Variants in DCC observed in about 807,000 individuals in gnomAD.
DCC encodes the protein netrin receptor DCC.
DCC carries 58 observed loss-of-function variants against 172.5 expected under a neutral mutation model. That is an observed-to-expected ratio of 0.34 (90% CI 0.27 to 0.42). The LOEUF is 0.42. DCC is among the 10% of genes least tolerant of loss of function. The probability of loss-of-function intolerance (pLI) is 1.00; values close to 1 mark genes in which losing one functional copy is unlikely to be tolerated. For synonymous variants in DCC, 709 were observed against 644.5 expected, an observed-to-expected ratio of 1.10 and a Z score of -1.52; for missense variants, 1,740 against 1,791.0, an observed-to-expected ratio of 0.97 and a Z score of 0.51.
intron 14 of DCC, among the ~76,000 whole-genome samples, chr18:53,326,770 A>AGACCAAAGC: frequency 6.6e-6 from 1 of 152,162 alleles, no homozygotes; most frequent in East Asian, 1.9e-4. Flanking sequence ...CTGAAGTGAG[A>AGACCAAAGC]AATTTCCATA....
chr18:52,735,982 T>C (rs1457768953), intron 1 of DCC, among the ~76,000 whole-genome samples: 3 of 152,178 alleles, frequency 2.0e-5, no homozygotes, highest in East Asian at 3.9e-4. Context: ...TTTCAATTAA[T>C]ATTGTGTGAT....
chr18:52,818,216 C>CA (rs920341130), intron 2 of DCC: 2 of 151,234 alleles, frequency 1.3e-5, no homozygotes, highest in African/African-American at 4.9e-5. Flanking sequence ...CCTGTCTCTA[C>CA]AAAAAATTTA....
chr18:52,897,086 G>T (rs1023326034), intron 2 of DCC, among the ~76,000 whole-genome samples: 1 of 152,176 alleles, frequency 6.6e-6, no homozygotes, highest in African/African-American at 2.4e-5. Context: ...GATTATGATA[G>T]ACCAGGCTTT....
At chr18:52,524,405 T>C (rs1214271317) in intron 1 of DCC, among the ~76,000 whole-genome samples, 1 of 152,190 alleles carries the variant, frequency 6.6e-6, no homozygotes, top group Non-Finnish European at 1.5e-5. Flanking sequence ...GCTTTAAAAG[T>C]ATAACTGCAT....
chr18:52,821,799 G>A (rs1486287398), intron 2 of DCC, among the ~76,000 whole-genome samples: 1 of 152,108 alleles, frequency 6.6e-6, no homozygotes, highest in African/African-American at 2.4e-5. Flanking sequence ...TATACTCCTT[G>A]GTCTTGTATC....
chr18:53,446,508 T>C (rs1912621979), intron 22 of DCC, among the ~76,000 whole-genome samples: 1 of 152,180 alleles, frequency 6.6e-6, no homozygotes, highest in Admixed American at 6.5e-5. Flanking sequence ...GTCTCCCAGA[T>C]CTCCTAACTA....
At chr18:52,943,070 G>A (rs945050334) in intron 5 of DCC, among the ~76,000 whole-genome samples, 1 of 151,866 alleles carries the variant, frequency 6.6e-6, no homozygotes, top group East Asian at 1.9e-4. Context: ...TACCTCTTTT[G>A]TTTTAATACC....
chr18:53,403,762 C>T (rs929729183), intron 19 of DCC, among the ~76,000 whole-genome samples: 1 of 152,024 alleles, frequency 6.6e-6, no homozygotes, highest in African/African-American at 2.4e-5. Context: ...CAAAGTAATT[C>T]AGCCGTCCCG....
At chr18:52,678,041 A>C (rs2035677256) in intron 1 of DCC, among the ~76,000 whole-genome samples, 1 of 152,176 alleles carries the variant, frequency 6.6e-6, no homozygotes, top group Non-Finnish European at 1.5e-5. Flanking sequence ...ATAAACTACA[A>C]AGATGGGCAT....
At chr18:53,344,521 C>A (rs2057700517) in intron 15 of DCC, among the ~76,000 whole-genome samples, 1 of 129,856 alleles carries the variant, frequency 7.7e-6, no homozygotes, top group Admixed American at 9.8e-5. Context: ...TGGCTCACTT[C>A]TACCTCTGCC....
Position 52,653,803 on chromosome 18 carries a change from C to G in DCC, c.92-98251C>G, listed in dbSNP as rs140571601. Among the ~76,000 whole-genome samples, 208 of 152,278 alleles carry G rather than the reference C, an allele frequency of 1.4e-3. 2 individuals carry two copies. The East Asian group carries it at 0.03, about 22-fold the overall frequency. ...CTGATTATTAATTTATGCCTCTCAGCCTAACACTAAAGATTCTAAGTAGCT... is the reference window on the plus strand; with the variant it reads ...CTGATTATTAATTTATGCCTCTCAGGCTAACACTAAAGATTCTAAGTAGCT... On this transcript the variant is annotated intron_variant, in intron 1 of 28. Coordinates refer to ENST00000442544, the MANE Select transcript of DCC (RefSeq NM_005215.4).
chr18:52,863,914 T>C (rs912810138), intron 2 of DCC, among the ~76,000 whole-genome samples: 1 of 152,118 alleles, frequency 6.6e-6, no homozygotes, highest in Non-Finnish European at 1.5e-5. Context: ...AGACTTACTT[T>C]ATTAAGCTAA....
At chr18:52,682,866 A>G (rs2035772387) in intron 1 of DCC, among the ~76,000 whole-genome samples, 1 of 152,078 alleles carries the variant, frequency 6.6e-6, no homozygotes, top group African/African-American at 2.4e-5. Context: ...CTTTCTTCCT[A>G]AGAGCAAGTG....
chr18:53,508,674 C>T (rs970868923), intron 27 of DCC, among the ~76,000 whole-genome samples: 2 of 152,150 alleles, frequency 1.3e-5, no homozygotes, highest in African/African-American at 4.8e-5. Context: ...TGAGCTGACA[C>T]ATTAGAATAC....
chr18:52,668,867 A>G (rs2144964291), intron 1 of DCC, among the ~76,000 whole-genome samples: 1 of 152,364 alleles, frequency 6.6e-6, no homozygotes, highest in African/African-American at 2.4e-5. Context: ...TTGTCTCTTC[A>G]GTTAGACATG....
At chr18:52,505,227 C>G (rs1207823350) in intron 1 of DCC, among the ~76,000 whole-genome samples, 2 of 152,138 alleles carry the variant, frequency 1.3e-5, no homozygotes, top group African/African-American at 4.8e-5. Context: ...TATTCAGTTT[C>G]CACCTCAGTA....
intron 5 of DCC, among the ~76,000 whole-genome samples, chr18:52,927,709 C>T (rs1288624156): frequency 1.3e-5 from 2 of 151,868 alleles, no homozygotes; most frequent in Admixed American, 1.3e-4. Context: ...ACAATGAGAA[C>T]CACCATCTCA....
At chr18:53,361,232 T>C (rs7232507) in intron 15 of DCC, among the ~76,000 whole-genome samples, 6,614 of 152,146 alleles carry the variant, frequency 0.043, 465 homozygotes, top group African/African-American at 0.15. Flanking sequence ...TGCTGACACC[T>C]CAGTTTTGGA....
chr18:52,774,956 A>G (rs2037403606), intron 2 of DCC, among the ~76,000 whole-genome samples: 1 of 152,174 alleles, frequency 6.6e-6, no homozygotes, highest in South Asian at 2.1e-4. Flanking sequence ...ATTTCAAACC[A>G]TGTGAGAGAA....
Sources: allele counts gnomAD v4.1 joint callset (sites outside exome capture counted in the v4.1 genomes callset), GRCh38; gene constraint gnomAD v4.1.1; transcripts MANE v1.5; gene names NCBI Gene and HGNC (gene_info 2026-07-23, HGNC 2026-07-21).